SHISA6: variants seen among roughly 807,000 people sequenced by gnomAD.
SHISA6 encodes protein shisa-6.
SHISA6 carries 22 observed loss-of-function variants against 47.9 expected under a neutral mutation model. The observed-to-expected ratio is 0.46, with a 90% CI of 0.33 to 0.66. The LOEUF (loss-of-function observed/expected upper bound fraction) is 0.66. Among genes scored for constraint, SHISA6 ranks in the 30% least tolerant of loss-of-function variants. The pLI, the probability that SHISA6 is intolerant of heterozygous loss-of-function variation, is 0.02. For synonymous variants in SHISA6, 388 were observed against 337.8 expected (o/e 1.15, Z -1.63); for missense variants, 680 against 764.6 (o/e 0.89, Z 1.30).
At chr17:11,271,243 G>C (rs960467385) in intron 2 of SHISA6, among the ~76,000 whole-genome samples, 1 of 152,054 alleles carries the variant, frequency 6.6e-6, no homozygotes, top group African/African-American at 2.4e-5. Context: ...AGGGACCTGG[G>C]CAGGCCTTGG....
chr17:11,300,398 G>A (rs1909884455), intron 2 of SHISA6, among the ~76,000 whole-genome samples: 1 of 152,184 alleles, frequency 6.6e-6, no homozygotes, highest in African/African-American at 2.4e-5. Flanking sequence ...ACTGGCAACT[G>A]ACTGCAGCCC....
chr17:11,325,696 T>A (rs1309325979), intron 2 of SHISA6, among the ~76,000 whole-genome samples: 5 of 145,304 alleles, frequency 3.4e-5, no homozygotes, highest in Non-Finnish European at 6.0e-5. Context: ...GTGCCATGTT[T>A]AAAAAAAAAA....
At chr17:11,305,615 T>C (rs1338422942) in intron 2 of SHISA6, among the ~76,000 whole-genome samples, 1 of 152,252 alleles carries the variant, frequency 6.6e-6, no homozygotes, top group Non-Finnish European at 1.5e-5. Flanking sequence ...TTCTCTCTTT[T>C]GTAACAGTCT....
intron 3 of SHISA6, among the ~76,000 whole-genome samples, chr17:11,468,084 G>A (rs747866623): frequency 6.6e-6 from 1 of 151,892 alleles, no homozygotes; most frequent in Non-Finnish European, 1.5e-5. Flanking sequence ...ACTTCAGGGA[G>A]GTGAGTTTAT....
chr17:11,273,099 T>C (rs909469048), intron 2 of SHISA6, among the ~76,000 whole-genome samples: 1 of 152,208 alleles, frequency 6.6e-6, no homozygotes, highest in African/African-American at 2.4e-5. Context: ...ATCTAATTCT[T>C]GTAACAAGCC....
intron 3 of SHISA6, among the ~76,000 whole-genome samples, chr17:11,549,946 A>G (rs983764976): frequency 2.0e-5 from 3 of 151,866 alleles, no homozygotes; most frequent in African/African-American, 7.3e-5. Context: ...TCTTTGGCAA[A>G]CAGTTTCTTC....
intron 3 of SHISA6, among the ~76,000 whole-genome samples, chr17:11,480,733 GCT>G (rs1169520933): frequency 6.6e-6 from 1 of 152,168 alleles, no homozygotes; most frequent in African/African-American, 2.4e-5. Context: ...CTGCTCCTGA[GCT>G]CTGTGATGAT....
chr17:11,415,913 G>T (rs1914266956), intron 3 of SHISA6, among the ~76,000 whole-genome samples: 1 of 152,310 alleles, frequency 6.6e-6, no homozygotes, highest in South Asian at 2.1e-4. Context: ...TCACAGTTTG[G>T]GAAGCTAAAA....
rs531991545 is a variant in SHISA6 at position 11,441,933 on chromosome 17, G to A, written c.895+62424G>A. Among the ~76,000 whole-genome samples the A allele has an allele frequency of 1.3e-3, 203 of 152,248 alleles. 3 individuals are homozygous for A. Among genetic ancestry groups the A allele is most frequent in the Non-Finnish European group, 2.0e-3 (133 of 68,010 alleles). ...TTTGCAAAATGAGAGAGTGCTGGAGGCCCTTTGTTCCTAACAAGCACAGTG... is the reference window on the plus strand; with the variant it reads ...TTTGCAAAATGAGAGAGTGCTGGAGACCCTTTGTTCCTAACAAGCACAGTG... On this transcript the variant is annotated intron_variant, in intron 3 of 5. Coordinates refer to ENST00000441885, the MANE Select transcript of SHISA6 (RefSeq NM_207386.4).
chr17:11,506,686 T>C (rs920954243), intron 3 of SHISA6, among the ~76,000 whole-genome samples: 2 of 152,186 alleles, frequency 1.3e-5, no homozygotes, highest in Non-Finnish European at 2.9e-5. Context: ...TCTGGACTGG[T>C]TACTACCTGA....
At chr17:11,318,360 T>C (rs1910592878) in intron 2 of SHISA6, among the ~76,000 whole-genome samples, 2 of 152,356 alleles carry the variant, frequency 1.3e-5, no homozygotes, top group East Asian at 1.9e-4. Context: ...TTTCCTTATC[T>C]TGTGAGCTCC....
intron 3 of SHISA6, among the ~76,000 whole-genome samples, chr17:11,527,022 T>C (rs1214798375): frequency 6.6e-6 from 1 of 151,302 alleles, no homozygotes; most frequent in East Asian, 1.9e-4. Context: ...AGATCCTGCC[T>C]ACCTGGACCA....
At chr17:11,277,381 C>A (rs1302433478) in intron 2 of SHISA6, among the ~76,000 whole-genome samples, 1 of 151,154 alleles carries the variant, frequency 6.6e-6, no homozygotes, top group Non-Finnish European at 1.5e-5. Context: ...TAGCCATGGG[C>A]ATATCTCATC....
At chr17:11,537,962 G>C (rs765039165) in intron 3 of SHISA6, among the ~76,000 whole-genome samples, 5 of 152,200 alleles carry the variant, frequency 3.3e-5, no homozygotes, top group Non-Finnish European at 4.4e-5. Flanking sequence ...AATGACAGTG[G>C]TGACAAATTC....
At chr17:11,356,343 C>G (rs975620064) in intron 2 of SHISA6, among the ~76,000 whole-genome samples, 1 of 152,130 alleles carries the variant, frequency 6.6e-6, no homozygotes, top group Non-Finnish European at 1.5e-5. Flanking sequence ...TCAGGTAGTC[C>G]CCTCCAGAGA....
intron 3 of SHISA6, among the ~76,000 whole-genome samples, chr17:11,493,656 C>A (rs933353051): frequency 1.3e-5 from 2 of 152,168 alleles, no homozygotes; most frequent in African/African-American, 4.8e-5. Context: ...AGCAGAGTTG[C>A]CAGGCCCAAG....
chr17:11,364,906 G>A (rs73975316), intron 2 of SHISA6, among the ~76,000 whole-genome samples: 3,333 of 152,216 alleles, frequency 0.022, 103 homozygotes, highest in African/African-American at 0.066. Context: ...TGAGTGTAAG[G>A]TGGTATTACA....
At chr17:11,327,408 T>C (rs1910933942) in intron 2 of SHISA6, among the ~76,000 whole-genome samples, 2 of 152,196 alleles carry the variant, frequency 1.3e-5, no homozygotes, top group Non-Finnish European at 2.9e-5. Flanking sequence ...CAAAATATTC[T>C]CTTGTGGTTA....
intron 2 of SHISA6, among the ~76,000 whole-genome samples, chr17:11,331,408 A>G (rs1911106533): frequency 1.3e-5 from 2 of 152,178 alleles, no homozygotes; most frequent in African/African-American, 2.4e-5. Context: ...CTGAAGTCCA[A>G]TTAAATAGGA....
Sources: allele counts gnomAD v4.1 joint callset (sites outside exome capture counted in the v4.1 genomes callset), GRCh38; gene constraint gnomAD v4.1.1; transcripts MANE v1.5; gene names NCBI Gene and HGNC (gene_info 2026-07-23, HGNC 2026-07-21).